KIAA1217: variants seen among roughly 807,000 people sequenced by gnomAD.
KIAA1217 encodes KIAA1217.
Under a neutral mutation model 163.9 loss-of-function variants are expected in KIAA1217, and 88 were observed. The ratio of observed to expected loss-of-function variants is 0.54; its 90% CI spans 0.45 to 0.64. KIAA1217 has a LOEUF of 0.64. Among genes scored for constraint, KIAA1217 ranks in the 30% least tolerant of loss-of-function variants. The pLI is 0.00. For missense variants in KIAA1217, 2,372 were observed against 2,475.0 expected, an observed-to-expected ratio of 0.96 and a Z score of 0.88; for synonymous variants, 903 against 923.1, an observed-to-expected ratio of 0.98 and a Z score of 0.39.
intron 5 of KIAA1217, among the ~76,000 whole-genome samples, chr10:24,450,082 C>T (rs1312670620): frequency 6.6e-6 from 1 of 152,028 alleles, no homozygotes. Flanking sequence ...TTTTACAGGT[C>T]TTGTTGATTT....
At chr10:23,716,224 C>T (rs758182374) in intron 1 of KIAA1217, among the ~76,000 whole-genome samples, 7 of 152,048 alleles carry the variant, frequency 4.6e-5, no homozygotes, top group Non-Finnish European at 4.4e-5. Context: ...GAAAGTTTCT[C>T]TTTATGAAAT....
chr10:24,207,437 C>G (rs1233485839), upstream of KIAA1217, among the ~76,000 whole-genome samples: 3 of 152,174 alleles, frequency 2.0e-5, no homozygotes, highest in Admixed American at 6.5e-5. Context: ...CAGGGCCCTC[C>G]TTCATGAACA....
chr10:23,930,786 A>G (rs1196176810), intron 1 of KIAA1217, among the ~76,000 whole-genome samples: 1 of 152,174 alleles, frequency 6.6e-6, no homozygotes, highest in Non-Finnish European at 1.5e-5. Context: ...CTCAGTGGGA[A>G]CATGGACTCC....
At chr10:24,131,027 A>G (rs1191397808) in intron 2 of KIAA1217, among the ~76,000 whole-genome samples, 1 of 152,222 alleles carries the variant, frequency 6.6e-6, no homozygotes, top group Non-Finnish European at 1.5e-5. Flanking sequence ...ACATATCTTT[A>G]GATTACTACA....
chr10:24,266,933 C>T (rs1016322637), intron 2 of KIAA1217, among the ~76,000 whole-genome samples: 7 of 152,280 alleles, frequency 4.6e-5, no homozygotes, highest in Admixed American at 4.6e-4. Flanking sequence ...CTGTAACACT[C>T]AGGACTGCGA....
intron 2 of KIAA1217, among the ~76,000 whole-genome samples, chr10:24,141,418 G>C (rs1773653218): frequency 1.3e-5 from 2 of 152,028 alleles, no homozygotes; most frequent in African/African-American, 4.8e-5. Flanking sequence ...CAAGAAATAT[G>C]CCGTAGCAGC....
At chr10:24,402,266 G>A (rs1440628591) in intron 3 of KIAA1217, among the ~76,000 whole-genome samples, 1 of 152,082 alleles carries the variant, frequency 6.6e-6, no homozygotes, top group Non-Finnish European at 1.5e-5. Context: ...CAGCACTTTG[G>A]GAGGCCAAGG....
intron 5 of KIAA1217, among the ~76,000 whole-genome samples, chr10:24,469,370 C>T (rs1325364275): frequency 2.6e-5 from 4 of 151,992 alleles, no homozygotes; most frequent in African/African-American, 9.7e-5. Flanking sequence ...AGTGATCCGC[C>T]CACCTCAGCC....
At chr10:24,284,651 C>T (rs140449389) in intron 2 of KIAA1217, among the ~76,000 whole-genome samples, 1 of 152,218 alleles carries the variant, frequency 6.6e-6, no homozygotes, top group East Asian at 1.9e-4. Flanking sequence ...AGGTTGATTC[C>T]ATGTCTTTGC....
At chr10:24,215,860 T>C (rs2068750725) in intron 1 of KIAA1217, among the ~76,000 whole-genome samples, 4 of 152,218 alleles carry the variant, frequency 2.6e-5, no homozygotes, top group South Asian at 4.2e-4. Flanking sequence ...TGATAGAGCA[T>C]TGGGCATTGG....
chr10:24,218,225 C>A (rs770799300), intron 1 of KIAA1217, among the ~76,000 whole-genome samples: 1 of 151,978 alleles, frequency 6.6e-6, no homozygotes, highest in Non-Finnish European at 1.5e-5. Context: ...ATATTCATAC[C>A]TGACACCCCA....
At chr10:24,079,993 C>G (rs889285785) in intron 2 of KIAA1217, among the ~76,000 whole-genome samples, 1 of 152,186 alleles carries the variant, frequency 6.6e-6, no homozygotes, top group South Asian at 2.1e-4. Context: ...CAGAGAGAGA[C>G]AGATGAGACA....
rs1836910753 is a variant in KIAA1217, at chr10:23,809,827, G to C, written c.-321+114593G>C. On this transcript the variant is annotated intron_variant, in intron 1 of 18. Coordinates refer to the KIAA1217 transcript ENST00000376462. ...TACAATATGCTGGATAGCAACACAT[G>C]TATCTGCATATGCAGATGGTCTCTG... 4.6e-5 allele frequency among the ~76,000 whole-genome samples: 7 copies of C among 152,006 alleles called. No individual in the cohort carries two copies. In the South Asian group the frequency reaches 1.5e-3, roughly 32 times the overall value.
intron 2 of KIAA1217, among the ~76,000 whole-genome samples, chr10:24,140,720 A>G (rs2064029540): frequency 6.6e-6 from 1 of 152,228 alleles, no homozygotes; most frequent in South Asian, 2.1e-4. Flanking sequence ...GAAACATCGG[A>G]AAGCAAAATT....
rs1426527369 is a variant in KIAA1217 at position 24,000,718 on chromosome 10, T to G, written c.-320-6507T>G. Among the ~76,000 whole-genome samples the G allele has an allele frequency of 2.6e-5, 4 of 152,216 alleles. No individual in the cohort carries two copies. The East Asian group carries it at 7.7e-4, about 29-fold the overall frequency. ...ACTGTACCAAACACGCTGGAAAGATTGATGAGCATGAGAAAACACTGTCAG... is the reference window on the plus strand; with the variant it reads ...ACTGTACCAAACACGCTGGAAAGATGGATGAGCATGAGAAAACACTGTCAG... On this transcript the variant is annotated intron_variant, in intron 1 of 18. Transcript: ENST00000376462.
intron 2 of KIAA1217, among the ~76,000 whole-genome samples, chr10:24,059,728 C>A (rs1008779305): frequency 2.6e-5 from 4 of 152,112 alleles, no homozygotes; most frequent in Non-Finnish European, 5.9e-5. Context: ...CAGGCACCCG[C>A]CACTGCACCC....
At chr10:24,509,671 A>G (rs1044980992) in intron 9 of KIAA1217, among the ~76,000 whole-genome samples, 2 of 152,196 alleles carry the variant, frequency 1.3e-5, no homozygotes, top group Non-Finnish European at 2.9e-5. Flanking sequence ...CTTAACTACT[A>G]ATAGCCTACT....
At chr10:24,264,319 G>A (rs1449299727) in intron 2 of KIAA1217, among the ~76,000 whole-genome samples, 1 of 152,122 alleles carries the variant, frequency 6.6e-6, no homozygotes, top group Non-Finnish European at 1.5e-5. Context: ...TCTGAGACAT[G>A]CAGAGGGACA....
chr10:24,482,227 AG>A (rs2064806654), intron 6 of KIAA1217: 1 of 152,220 alleles, frequency 6.6e-6, no homozygotes, highest in Non-Finnish European at 1.5e-5. Flanking sequence ...CAAAAGGAAA[AG>A]GCGTCGTCTG....
Sources: gnomAD v4.1 joint callset for allele counts (sites outside exome capture counted in the v4.1 genomes callset) on GRCh38, gnomAD v4.1.1 for gene constraint, MANE v1.5 for transcripts, NCBI Gene and HGNC (gene_info 2026-07-23, HGNC 2026-07-21) for gene names.